Variants in BBS10 observed in about 807,000 individuals in gnomAD.
The protein encoded by BBS10 is Bardet-Biedl syndrome 10, also known as BBSome complex assembly protein BBS10.
A neutral mutation model predicts 12.7 loss-of-function variants in BBS10; 13 were observed. The ratio of observed to expected loss-of-function variants is 1.03; its 90% CI spans 0.67 to 1.63. The LOEUF (loss-of-function observed/expected upper bound fraction) is 1.63, where lower values mean the gene tolerates loss of function less well. BBS10 is among the 40% of genes most tolerant of loss of function. The pLI is 0.00. For synonymous variants in BBS10, 294 were observed against 304.8 expected (o/e 0.96, Z 0.37); for missense variants, 858 against 858.0 (o/e 1.00, Z 0.00).
In BBS10 at chr12:76,347,604, T is replaced by C. The variant is rs372522496; in HGVS notation, c.381A>G (p.Lys127=). Residue 127 remains lysine (K), a synonymous_variant, in exon 2 of 2, where the codon AAA becomes AAG. Transcript: ENST00000650064. ...ACGTTAGGAGAGCCTGGGAAATAAATTTCCACCGAGAACAATTTTTCCAAT... is the reference window on the plus strand; with the variant it reads ...ACGTTAGGAGAGCCTGGGAAATAAACTTCCACCGAGAACAATTTTTCCAAT... The part of the protein sequence containing the change: ...GRHWKNCSRW[K]FISQALLTFQ... 9 of 1,613,740 alleles carry C rather than the reference T, an allele frequency of 5.6e-6. No homozygotes were observed. The highest frequency in any genetic ancestry group is 7.6e-6 in the Non-Finnish European group (9 of 1,179,994).
Position 76,346,460 on chromosome 12 carries a change from G to A in BBS10, c.1525C>T (p.Pro509Ser), listed in dbSNP as rs1565809558. The A allele has an allele frequency of 2.5e-6, 4 of 1,614,082 alleles. No individual in the cohort carries two copies. In the Admixed American group the frequency reaches 5.0e-5, roughly 20 times the overall value. The part of the protein sequence containing the change: ...ELETYIPYST[P>S]TLTPTDTFQT... ...AATGTATCTGTTGGTGTCAGTGTGG[G>A]GGTTGAATACGGAATATATGTTTCT... is the stretch of plus-strand genomic sequence containing the variant. Residue 509 changes from proline (P) to serine (S), a missense_variant, in exon 2 of 2, where the codon CCC becomes TCC. Physicochemically the swap from Pro to Ser is moderately conservative, Grantham distance 74. Transcript: ENST00000650064.
chr12:76,347,038 G>C lies in BBS10; in HGVS notation c.947C>G (p.Pro316Arg). 2 of 1,612,842 alleles carry C rather than the reference G, an allele frequency of 1.2e-6. No homozygotes were observed. Among genetic ancestry groups the C allele is most frequent in the Non-Finnish European group, 1.7e-6 (2 of 1,179,888 alleles). ...VKLLISSVKQ[P>R]DLVSYYAGVN... ...CCCTGCATAATAACTAACTAAATCTGGTTGTTTCACACTAGATATGAGCAA... is the reference window on the plus strand; with the variant it reads ...CCCTGCATAATAACTAACTAAATCTCGTTGTTTCACACTAGATATGAGCAA... Residue 316 changes from proline to arginine, a missense_variant, in exon 2 of 2, where the codon CCA becomes CGA. By Grantham distance (103) the Pro-to-Arg change is moderately radical (BLOSUM62 -2). Transcript: ENST00000650064.
Position 76,347,279 on chromosome 12 carries a change from T to C in BBS10, c.706A>G (p.Ile236Val), listed in dbSNP as rs1042330208. 4.3e-6 allele frequency: 7 copies of C among 1,613,800 alleles called. No individual in the cohort carries two copies. Among genetic ancestry groups the C allele is most frequent in the Non-Finnish European group, 5.9e-6 (7 of 1,180,042 alleles). ...TGLPVSDSRI[I>V]AGLVLQKDFS... The stretch of plus-strand genomic sequence containing the variant: ...TCTTTCTGAAGCACAAGACCAGCTA[T>C]GATCCTGGAATCTGAAACAGGAAGG... The change falls in exon 2 of 2, where the codon ATA becomes GTA. Residue 236 changes from isoleucine (I) to valine (V), a missense_variant. Coordinates refer to ENST00000650064, the MANE Select transcript of BBS10 (RefSeq NM_024685.4).
chr12:76,347,922 G>T, intron 1 of BBS10, 135 bp from the exon 2 acceptor site: 1 of 1,121,742 alleles, frequency 8.9e-7, no homozygotes, highest in Admixed American at 2.7e-5. Flanking sequence ...TCCTTTCTTG[G>T]AAAAAACTCT....
In BBS10 at chr12:76,348,402, G is replaced by T; in HGVS notation, c.-44C>A. ...TTTTGACCAGCTTGCAGAACACCCG[G>T]GCCGACCGAAAACAGGGGTGGGAAC... On this transcript the variant is annotated 5_prime_UTR_variant, in exon 1 of 2. Coordinates refer to ENST00000650064, the MANE Select transcript of BBS10 (RefSeq NM_024685.4). 1.3e-6 allele frequency: 2 copies of T among 1,544,872 alleles called. No individual in the cohort carries two copies. The highest frequency in any genetic ancestry group is 1.7e-6 in the Non-Finnish European group (2 of 1,147,026).
Position 76,348,405 on chromosome 12 carries a change from C to T in BBS10, c.-47G>A. On this transcript the variant is annotated 5_prime_UTR_variant, in exon 1 of 2. Transcript: ENST00000650064. ...TGACCAGCTTGCAGAACACCCGGGC[C>T]GACCGAAAACAGGGGTGGGAACGGC... is the stretch of plus-strand genomic sequence containing the variant. The T allele has an allele frequency of 6.5e-7, 1 of 1,542,910 alleles. No homozygotes were observed. The highest frequency in any genetic ancestry group is 8.7e-7 in the Non-Finnish European group (1 of 1,146,188).
In BBS10 at chr12:76,347,333, A is replaced by G; in HGVS notation, c.652T>C (p.Phe218Leu). The G allele has an allele frequency of 6.2e-7, 1 of 1,614,088 alleles. No individual in the cohort carries two copies. Among genetic ancestry groups the G allele is most frequent in the Non-Finnish European group, 8.5e-7 (1 of 1,180,022 alleles). Residue 218 changes from phenylalanine (F) to leucine (L), a missense_variant, in exon 2 of 2, where the codon TTT (phenylalanine) becomes CTT (leucine). Physicochemically the swap from Phe to Leu is conservative, Grantham distance 22. Coordinates refer to ENST00000650064, the MANE Select transcript of BBS10 (RefSeq NM_024685.4). ...GTGACACCAACATTCAACTCTACAA[A>G]ATGGTCATCCACTAACTCAAATACA... ...IGVFELVDDH[F>L]VELNVGVTGL...
Position 76,347,555 on chromosome 12 carries a change from T to G in BBS10, c.430A>C (p.Ile144Leu), listed in dbSNP as rs1338931331. 6.2e-7 allele frequency: 1 copy of G among 1,613,800 alleles called. No individual in the cohort carries two copies. Among genetic ancestry groups the G allele is most frequent in the Admixed American group, 1.7e-5 (1 of 60,024 alleles). ...TGTCTACTTAGGTACTGGTCCATAA[T>G]ACCGTCTAATATTTGTGTCTGAAAC... is the stretch of plus-strand genomic sequence containing the variant. ...LTFQTQILDGIMDQYLSRHFL... is the reference protein window; with the variant it reads ...LTFQTQILDGLMDQYLSRHFL... Residue 144 changes from isoleucine (I) to leucine (L), a missense_variant, in exon 2 of 2, where the codon ATT becomes CTT. Transcript: ENST00000650064.
Position 76,345,931 on chromosome 12 carries a change from T to C in BBS10, c.2054A>G (p.Tyr685Cys). Residue 685 changes from tyrosine to cysteine, a missense_variant, in exon 2 of 2, where the codon TAC becomes TGC. By Grantham distance (194) the Tyr-to-Cys change is radical. Transcript: ENST00000650064. Reference sequence around the variant, plus strand: ...CTGAAGAACTGAAGTTAGTAGCTGGTATTTACCCATTACTGATTCCAAACC... The same window carrying C: ...CTGAAGAACTGAAGTTAGTAGCTGGCATTTACCCATTACTGATTCCAAACC... ...QTGLESVMGK[Y>C]QLLTSVLQCL... 5 of 1,614,068 alleles carry C rather than the reference T, an allele frequency of 3.1e-6. No homozygotes were observed. The highest frequency in any genetic ancestry group is 4.2e-6 in the Non-Finnish European group (5 of 1,179,932).
At position 76,347,795 on chromosome 12, in the gene BBS10, A is replaced by C; in HGVS notation, c.198-8T>G. On this transcript the variant is annotated splice_polypyrimidine_tract_variant and splice_region_variant and intron_variant, in intron 1 of 1. Coordinates refer to ENST00000650064, the MANE Select transcript of BBS10 (RefSeq NM_024685.4). ...ACACAGTCCACTATCATCCTGTACA[A>C]AAAAGAAATAAAGCAACTCATTTTC... 6.3e-7 allele frequency: 1 copy of C among 1,599,468 alleles called. No homozygotes were observed. The highest frequency in any genetic ancestry group is 8.5e-7 in the Non-Finnish European group (1 of 1,179,650).
chr12:76,348,374 C>T lies in BBS10; in HGVS notation c.-16G>A, dbSNP rs1443126794. 4.5e-6 allele frequency: 7 copies of T among 1,563,054 alleles called. No homozygotes were observed. Among genetic ancestry groups the T allele is most frequent in the Non-Finnish European group, 5.2e-6 (6 of 1,154,422 alleles). On this transcript the variant is annotated 5_prime_UTR_variant, in exon 1 of 2. Coordinates refer to ENST00000650064, the MANE Select transcript of BBS10 (RefSeq NM_024685.4). ...AACTTAACATATCTGGGCCGCTTCCCCTTTTTGACCAGCTTGCAGAACACC... is the reference window on the plus strand; with the variant it reads ...AACTTAACATATCTGGGCCGCTTCCTCTTTTTGACCAGCTTGCAGAACACC...
In BBS10 at chr12:76,344,649, T is replaced by C. The variant is rs922929416; in HGVS notation, c.*1164A>G. On this transcript the variant is annotated 3_prime_UTR_variant, in exon 2 of 2. Transcript: ENST00000650064. ...TTTTTAAAATACATTAGTCAACACT[T>C]ATTCAACTATAATTAAAGTTTTTTT... The C allele has an allele frequency of 6.6e-5, 10 of 152,288 alleles. No individual in the cohort carries two copies. In the East Asian group the frequency reaches 1.9e-3, roughly 29 times the overall value. The allele number at this position is 152,288 out of a possible 1,614,324, so 9.4% of individuals were successfully genotyped here. A position where few individuals can be genotyped will look rare whatever the true frequency, so the allele number is the denominator to read the frequency against.
chr12:76,347,923 A>T, intron 1 of BBS10, 136 bp from the exon 2 acceptor site: 1 of 1,118,720 alleles, frequency 8.9e-7, no homozygotes, highest in Admixed American at 2.7e-5. Flanking sequence ...CCTTTCTTGG[A>T]AAAAACTCTG....
Position 76,348,191 on chromosome 12 carries a change from C to T in BBS10, c.168G>A (p.Glu56=), listed in dbSNP as rs772087272. 6.2e-6 allele frequency: 10 copies of T among 1,613,278 alleles called. No individual in the cohort carries two copies. In the South Asian group the frequency reaches 9.9e-5, roughly 16 times the overall value. ...CTATGGGATGCTCTAAGTGTAGCGCCTCCAGGAGGCGGCCTCCATTCCGGC... is the reference window on the plus strand; with the variant it reads ...CTATGGGATGCTCTAAGTGTAGCGCTTCCAGGAGGCGGCCTCCATTCCGGC... ...LLSRNGGRLL[E]ALHLEHPIAR... Residue 56 remains glutamate, a synonymous_variant, in exon 1 of 2, where the codon GAG becomes GAA. Coordinates refer to ENST00000650064, the MANE Select transcript of BBS10 (RefSeq NM_024685.4).
Position 76,346,812 on chromosome 12 carries a change from T to C in BBS10, c.1173A>G (p.Ala391=). The C allele has an allele frequency of 3.1e-6, 5 of 1,614,180 alleles. No individual in the cohort carries two copies. The highest frequency in any genetic ancestry group is 4.2e-6 in the Non-Finnish European group (5 of 1,180,008). The stretch of plus-strand genomic sequence containing the variant: ...AAAGAACTATAGAGTGTGGTATAAA[T>C]GCACATGTGCTTATCAAGCCTAGAT... ...YVHLGLISTC[A]FIPHSIVLCG... Residue 391 remains alanine (A), a synonymous_variant, in exon 2 of 2, where the codon GCA becomes GCG. Transcript: ENST00000650064.
Position 76,346,906 on chromosome 12 carries a change from C to T in BBS10, c.1079G>A (p.Cys360Tyr). 1 of 1,612,878 alleles carries T rather than the reference C, an allele frequency of 6.2e-7. No individual in the cohort carries two copies. The highest frequency in any genetic ancestry group is 8.5e-7 in the Non-Finnish European group (1 of 1,180,014). The change falls in exon 2 of 2, where the codon TGT becomes TAT. Residue 360 changes from cysteine to tyrosine, a missense_variant. By Grantham distance (194) the Cys-to-Tyr change is radical. Coordinates refer to ENST00000650064, the MANE Select transcript of BBS10 (RefSeq NM_024685.4). ...PFVPPQAFSQ[C>Y]EIPNTALVKF... ...CACCAAAGCAGTGTTAGGTATTTCA[C>T]ACTGCGAAAAGGCCTGTGGTGGTAC...
rs746529935 is a variant in BBS10, at chr12:76,346,547, A to G, written c.1438T>C (p.Leu480=). ...QDTVAENKDA[L]EKTQTYLKVH... is the part of the protein sequence containing the mutation. ...TTTAAATATGTTTGAGTTTTTTCCA[A>G]TGCATCTTTGTTCTCTGCAACTGTG... Residue 480 remains leucine (L), a synonymous_variant, in exon 2 of 2, where the codon TTG becomes CTG. Transcript: ENST00000650064. 6 of 1,613,992 alleles carry G rather than the reference A, an allele frequency of 3.7e-6. No homozygotes were observed. In the Admixed American group the frequency reaches 8.3e-5, roughly 22 times the overall value.
In BBS10 at chr12:76,346,961, T is replaced by A; in HGVS notation, c.1024A>T (p.Ile342Phe). 6.2e-7 allele frequency: 1 copy of A among 1,610,994 alleles called. No homozygotes were observed. Among genetic ancestry groups the A allele is most frequent in the Non-Finnish European group, 8.5e-7 (1 of 1,179,996 alleles). The change falls in exon 2 of 2, where the codon ATC becomes TTC. Residue 342 changes from isoleucine to phenylalanine, a missense_variant. By Grantham distance (21) the Ile-to-Phe change is conservative. Coordinates refer to ENST00000650064, the MANE Select transcript of BBS10 (RefSeq NM_024685.4). ...GGAGAAAGACCAATGATCCTCCGGA[T>A]AAGAGAAACTTCTTCTGATGATAAA... ...ECLSSEEVSL[I>F]RRIIGLSPFV...
chr12:76,347,929 C>T (rs1348619429), intron 1 of BBS10, 142 bp from the exon 2 acceptor site: 4 of 1,100,094 alleles, frequency 3.6e-6, no homozygotes, highest in Non-Finnish European at 5.1e-6. Flanking sequence ...TTGGAAAAAA[C>T]TCTGCTCTAT....
Sources: gnomAD v4.1 joint callset for allele counts on GRCh38, gnomAD v4.1.1 for gene constraint, MANE v1.5 for transcripts, NCBI Gene and HGNC (gene_info 2026-07-23, HGNC 2026-07-21) for gene names.